The following GDAP1 variants were observed in gnomAD, a reference collection of about 807,000 sequenced individuals.
GDAP1 encodes the protein ganglioside-induced differentiation-associated protein 1.
A neutral mutation model predicts 40.1 loss-of-function variants in GDAP1; 34 were observed. That is an observed-to-expected ratio of 0.85 (90% confidence interval 0.64 to 1.13). The LOEUF is 1.13. Among genes scored for constraint, GDAP1 ranks in the 50% most tolerant of loss-of-function variants. The pLI is 0.00. For synonymous variants in GDAP1, 170 were observed against 157.4 expected (o/e 1.08, Z -0.60); for missense variants, 374 against 433.7 (o/e 0.86, Z 1.22).
chr8:74,378,777 C>T (rs1035894497), intron 2 of GDAP1, among the ~76,000 whole-genome samples: 8 of 152,162 alleles, frequency 5.3e-5, no homozygotes, highest in Non-Finnish European at 1.0e-4. Flanking sequence ...CACCTGGGGG[C>T]CTCACTCACA....
rs556852017 is a variant in GDAP1, at chr8:74,422,285, T to TTTTCTTTCTTTC, written c.166-66338_166-66327dup. The stretch of plus-strand genomic sequence containing the variant: ...TCTTTTTCTTTTCTTTTCTTTTTTC[T>TTTTCTTTCTTTC]TTTCTTTCTTTCTTTCTTTCTTTCT... On this transcript the variant is annotated intron_variant, in intron 2 of 2. Transcript: ENST00000523640. Among the ~76,000 whole-genome samples the TTTTCTTTCTTTC allele has an allele frequency of 3.6e-3, 320 of 87,728 alleles. 8 individuals are homozygous for TTTTCTTTCTTTC. The highest frequency in any genetic ancestry group is 5.3e-3 in the Non-Finnish European group (213 of 40,474). The allele number at this position is 87,728 out of a possible 152,430, so 57.6% of individuals were successfully genotyped here. A position where few individuals can be genotyped will look rare whatever the true frequency, so the allele number is the denominator to read the frequency against.
intron 2 of GDAP1, among the ~76,000 whole-genome samples, chr8:74,397,246 C>G (rs1401877148): frequency 1.4e-5 from 2 of 142,602 alleles, no homozygotes; most frequent in East Asian, 2.0e-4. Context: ...ATTGTAGATT[C>G]TGGATATTAG....
In GDAP1 at chr8:74,356,903, C is replaced by T. The variant is rs187244608; in HGVS notation, c.311-3234C>T. On this transcript the variant is annotated intron_variant, in intron 2 of 5. Coordinates refer to ENST00000220822, the MANE Select transcript of GDAP1 (RefSeq NM_018972.4). Reference sequence around the variant, plus strand: ...CTAATTTTTTGTATTTTAGTAGAGACGGGGTTTCACCATGTTGGCCGGGAT... The same window carrying T: ...CTAATTTTTTGTATTTTAGTAGAGATGGGGTTTCACCATGTTGGCCGGGAT... Among the ~76,000 whole-genome samples the T allele has an allele frequency of 5.4e-3, 818 of 151,642 alleles. 7 individuals carry two copies. The highest frequency in any genetic ancestry group is 0.019 in the African/African-American group (772 of 41,310).
chr8:74,357,929 G>A (rs1809181724), intron 2 of GDAP1, among the ~76,000 whole-genome samples: 1 of 152,188 alleles, frequency 6.6e-6, no homozygotes, highest in African/African-American at 2.4e-5. Context: ...ATAATTCAAA[G>A]GAAATTCCCA....
At chr8:74,396,316 A>T (rs569927665) in intron 2 of GDAP1, among the ~76,000 whole-genome samples, 3 of 151,678 alleles carry the variant, frequency 2.0e-5, no homozygotes, top group African/African-American at 7.2e-5. Context: ...TTTTATTTTT[A>T]TTTATTTATT....
intron 2 of GDAP1, among the ~76,000 whole-genome samples, chr8:74,448,275 G>T (rs1222344537): frequency 5.9e-5 from 9 of 151,734 alleles, no homozygotes; most frequent in African/African-American, 2.2e-4. Flanking sequence ...CTTTTCATTT[G>T]CTCCACGTAA....
chr8:74,475,683 G>A (rs1400052652), intron 2 of GDAP1, among the ~76,000 whole-genome samples: 1 of 152,128 alleles, frequency 6.6e-6, no homozygotes, highest in African/African-American at 2.4e-5. Flanking sequence ...TGCATTTGCT[G>A]AGGATTGTTT....
intron 2 of GDAP1, among the ~76,000 whole-genome samples, chr8:74,385,763 A>G (rs1434325181): frequency 1.3e-5 from 2 of 152,154 alleles, no homozygotes; most frequent in African/African-American, 2.4e-5. Flanking sequence ...GAATCCCCAC[A>G]CTGTCTTCCA....
intron 2 of GDAP1, among the ~76,000 whole-genome samples, chr8:74,388,888 C>T (rs1401314354): frequency 1.3e-5 from 2 of 151,988 alleles, no homozygotes; most frequent in African/African-American, 4.8e-5. Context: ...ATATATTTAG[C>T]ATATTTAGCT....
chr8:74,459,511 C>T (rs1242268267), intron 2 of GDAP1, among the ~76,000 whole-genome samples: 5 of 152,118 alleles, frequency 3.3e-5, no homozygotes, highest in African/African-American at 1.2e-4. Flanking sequence ...GATTCTGAGG[C>T]AGAAGCTTCT....
chr8:74,355,481 C>A (rs10504579), intron 2 of GDAP1, among the ~76,000 whole-genome samples: 40,842 of 152,048 alleles, frequency 0.27, 6,081 homozygotes, highest in Non-Finnish European at 0.34. Flanking sequence ...GTACATGATA[C>A]CTCTTTAACT....
intron 2 of GDAP1, among the ~76,000 whole-genome samples, chr8:74,388,939 T>C (rs1356112880): frequency 6.6e-6 from 1 of 152,234 alleles, no homozygotes; most frequent in African/African-American, 2.4e-5. Flanking sequence ...TGTAATGCCC[T>C]TCTTTGTCTT....
intron 2 of GDAP1, among the ~76,000 whole-genome samples, chr8:74,459,868 T>A (rs558889535): frequency 6.6e-6 from 1 of 152,322 alleles, no homozygotes; most frequent in African/African-American, 2.4e-5. Flanking sequence ...CAAATGTACT[T>A]AAAATTACAA....
chr8:74,414,590 C>A, intron 2 of GDAP1, among the ~76,000 whole-genome samples: 1 of 146,002 alleles, frequency 6.8e-6, no homozygotes, highest in Admixed American at 6.7e-5. Context: ...GAAGATAAAT[C>A]AATAGAAATT....
chr8:74,445,317 G>A (rs917219275), intron 2 of GDAP1, among the ~76,000 whole-genome samples: 4 of 152,118 alleles, frequency 2.6e-5, no homozygotes, highest in African/African-American at 9.7e-5. Context: ...CTTCTAAACT[G>A]GATTGAGATC....
downstream of GDAP1, among the ~76,000 whole-genome samples, chr8:74,369,362 T>C (rs900516689): frequency 2.0e-5 from 3 of 152,190 alleles, no homozygotes; most frequent in Non-Finnish European, 2.9e-5. Context: ...AATATATGTT[T>C]ATAGAATTAA....
At position 74,432,266 on chromosome 8, in the gene GDAP1, C is replaced by CTT. The variant is rs1376451840; in HGVS notation, c.166-56412_166-56411insTT. On this transcript the variant is annotated intron_variant, in intron 2 of 2. Transcript: ENST00000523640. Reference sequence around the variant, plus strand: ...TTCAGCCATTCCTCAAGGTATTTTACCCTTGGATTTCTCACTTGCTGAGTC... The same window carrying CTT: ...TTCAGCCATTCCTCAAGGTATTTTACTTCCTTGGATTTCTCACTTGCTGAGTC... 4.6e-5 allele frequency among the ~76,000 whole-genome samples: 7 copies of CTT among 152,216 alleles called. No individual in the cohort carries two copies. The East Asian group carries it at 1.4e-3, about 29-fold the overall frequency.
At position 74,366,121 on chromosome 8, in the gene GDAP1, A is replaced by G. The variant is rs1353200006; in HGVS notation, c.*1754A>G. ...AAGTCCATGGTTAACTTTTCCTTCA[A>G]TTTATATTATTCCTGAATCATAGGG... is the stretch of plus-strand genomic sequence containing the variant. On this transcript the variant is annotated 3_prime_UTR_variant, in exon 6 of 6. Transcript: ENST00000220822. The G allele has an allele frequency of 2.2e-6, 1 of 445,642 alleles. No individual in the cohort carries two copies. The highest frequency in any genetic ancestry group is 1.6e-5 in the South Asian group (1 of 61,432). 27.6% of individuals were successfully genotyped at this position (445,642 alleles called of 1,614,324 possible).
chr8:74,482,935 C>T (rs1163280719), intron 2 of GDAP1, among the ~76,000 whole-genome samples: 1 of 152,196 alleles, frequency 6.6e-6, no homozygotes, highest in East Asian at 1.9e-4. Context: ...GAGTTACAGA[C>T]ATGGGCTCTG....
Sources: allele counts gnomAD v4.1 joint callset (sites outside exome capture counted in the v4.1 genomes callset), GRCh38; gene constraint gnomAD v4.1.1; transcripts MANE v1.5; gene names NCBI Gene and HGNC (gene_info 2026-07-23, HGNC 2026-07-21).